Variants in PAFAH1B2 observed in about 807,000 individuals in gnomAD.
PAFAH1B2 encodes the protein platelet activating factor acetylhydrolase 1b catalytic subunit 2.
PAFAH1B2 carries 8 observed loss-of-function variants against 28.0 expected under a neutral mutation model. The observed-to-expected ratio is 0.29, with a 90% CI of 0.17 to 0.52. The LOEUF (loss-of-function observed/expected upper bound fraction) is 0.52, where lower values mean the gene tolerates loss of function less well. Among genes scored for constraint, PAFAH1B2 ranks in the 20% least tolerant of loss-of-function variants. PAFAH1B2 has a pLI of 0.97. For missense variants in PAFAH1B2, 190 were observed against 282.6 expected, an observed-to-expected ratio of 0.67 and a Z score of 2.35; for synonymous variants, 104 against 103.2, an observed-to-expected ratio of 1.01 and a Z score of -0.05.
intron 2 of PAFAH1B2, among the ~76,000 whole-genome samples, chr11:117,158,202 TTTTC>T (rs752944184): frequency 9.2e-5 from 14 of 152,108 alleles, no homozygotes; most frequent in South Asian, 2.1e-4. Context: ...TTGTTTTCTT[TTTTC>T]TTTCTTTCTT....
chr11:117,161,120 C>A, intron 3 of PAFAH1B2, 25 bp from the exon 4 acceptor site: 1 of 1,465,382 alleles, frequency 6.8e-7, no homozygotes, highest in Non-Finnish European at 9.4e-7. Flanking sequence ...TTTAGGTACA[C>A]TAAATCAAGT....
intron 1 of PAFAH1B2, among the ~76,000 whole-genome samples, chr11:117,150,869 T>G (rs1298750541): frequency 6.6e-6 from 1 of 151,852 alleles, no homozygotes; most frequent in Non-Finnish European, 1.5e-5. Context: ...GCGCTTGTAG[T>G]CCCAGCTACT....
intron 4 of PAFAH1B2, among the ~76,000 whole-genome samples, chr11:117,161,666 C>T (rs901298190): frequency 1.3e-5 from 2 of 151,930 alleles, no homozygotes; most frequent in South Asian, 4.1e-4. Context: ...CGCCACTGTG[C>T]CCAGCTAATT....
At chr11:117,158,379 C>G (rs1956298721) in intron 2 of PAFAH1B2, among the ~76,000 whole-genome samples, 1 of 151,640 alleles carries the variant, frequency 6.6e-6, no homozygotes, top group Non-Finnish European at 1.5e-5. Flanking sequence ...GCCTTTATAA[C>G]AGAAAGAGGC....
chr11:117,165,828 T>C (rs1956495807), intron 5 of PAFAH1B2, among the ~76,000 whole-genome samples: 2 of 151,296 alleles, frequency 1.3e-5, no homozygotes. Flanking sequence ...AACCAGGTCA[T>C]GTAGGATTTT....
downstream of PAFAH1B2, chr11:117,175,255 T>G (rs1479096687): frequency 1.8e-6 from 2 of 1,082,506 alleles, no homozygotes; most frequent in Admixed American, 1.0e-4. Context: ...GGCCCCGACA[T>G]CTCCCCTGTG....
At chr11:117,174,092 T>C (rs533699367), downstream of PAFAH1B2, among the ~76,000 whole-genome samples, 1 of 151,834 alleles carries the variant, frequency 6.6e-6, no homozygotes, top group Non-Finnish European at 1.5e-5. Context: ...TCCTAAATAA[T>C]TTGATTGGAT....
Position 117,170,843 on chromosome 11 carries a change from G to C in PAFAH1B2, c.*3144G>C. On this transcript the variant is annotated 3_prime_UTR_variant, in exon 6 of 6. Coordinates refer to ENST00000527958, the MANE Select transcript of PAFAH1B2 (RefSeq NM_002572.4). ...ATCCGTGTGGGTGCATGTGGGAGAA[G>C]TGAGTTAGGGCCTCTTGAAAGGAGG... 9.4e-7 allele frequency: 1 copy of C among 1,060,022 alleles called. No homozygotes were observed. Among genetic ancestry groups the C allele is most frequent in the East Asian group, 5.1e-5 (1 of 19,538 alleles). The allele number at this position is 1,060,022 out of a possible 1,614,324, so 65.7% of individuals were successfully genotyped here.
At chr11:117,148,832 G>A (rs959061376) in intron 1 of PAFAH1B2, among the ~76,000 whole-genome samples, 4 of 152,044 alleles carry the variant, frequency 2.6e-5, no homozygotes, top group Non-Finnish European at 5.9e-5. Flanking sequence ...CTCTGGGGAT[G>A]CATAAGATGA....
chr11:117,174,164 T>TTTTGTGTG (rs766588493), downstream of PAFAH1B2, among the ~76,000 whole-genome samples: 8 of 138,808 alleles, frequency 5.8e-5, no homozygotes, highest in Non-Finnish European at 7.8e-5. Context: ...TTCATGTCTT[T>TTTTGTGTG]TGTGTGTGTG....
rs1956554837 is a variant in PAFAH1B2 at position 117,168,152 on chromosome 11, A to C, written c.*453A>C. 1 of 1,051,532 alleles carries C rather than the reference A, an allele frequency of 9.5e-7. No homozygotes were observed. Among genetic ancestry groups the C allele is most frequent in the Non-Finnish European group, 1.2e-6 (1 of 869,218 alleles). 65.1% of individuals were successfully genotyped at this position (1,051,532 alleles called of 1,614,324 possible). The stretch of plus-strand genomic sequence containing the variant: ...GTTCATAATTTAGCCTTTTGTTTTT[A>C]TGTTGCTTAGATTCTTATGTATACT... On this transcript the variant is annotated 3_prime_UTR_variant, in exon 6 of 6. Transcript: ENST00000527958.
At chr11:117,162,474 A>T (rs1956397764) in intron 4 of PAFAH1B2, among the ~76,000 whole-genome samples, 1 of 151,448 alleles carries the variant, frequency 6.6e-6, no homozygotes, top group Non-Finnish European at 1.5e-5. Context: ...CTAAAGAGAA[A>T]AACTTGATGG....
intron 1 of PAFAH1B2, among the ~76,000 whole-genome samples, chr11:117,148,117 T>A (rs1956059410): frequency 6.6e-6 from 1 of 151,332 alleles, no homozygotes. Flanking sequence ...AGTGGTGTGA[T>A]CTCTGCTCAC....
At chr11:117,166,122 C>T (rs949666490) in intron 5 of PAFAH1B2, among the ~76,000 whole-genome samples, 31 of 152,072 alleles carry the variant, frequency 2.0e-4, no homozygotes, top group African/African-American at 7.0e-4. Flanking sequence ...GGATTACAGG[C>T]GTGAGCCACT....
downstream of PAFAH1B2, among the ~76,000 whole-genome samples, chr11:117,178,067 A>C (rs1045366486): frequency 6.6e-6 from 1 of 152,190 alleles, no homozygotes; most frequent in South Asian, 2.1e-4. Flanking sequence ...CCAGAAGTGG[A>C]ATTACTGGAT....
At chr11:117,159,726 C>T (rs1284610237) in intron 2 of PAFAH1B2, 3 of 492,330 alleles carry the variant, frequency 6.1e-6, no homozygotes, top group Non-Finnish European at 1.1e-5. Context: ...GAGAGCCAGA[C>T]GCTGTCTTAG....
chr11:117,148,751 TTC>T (rs1157315134), intron 1 of PAFAH1B2, among the ~76,000 whole-genome samples: 1 of 152,116 alleles, frequency 6.6e-6, no homozygotes, highest in Non-Finnish European at 1.5e-5. Context: ...AGTGAGACCC[TTC>T]TCTTATAATA....
rs1462613756 is a variant in PAFAH1B2 at position 117,169,206 on chromosome 11, AC to A, written c.*1508del. Reference sequence around the variant, plus strand: ...CCTTTATCCCATCATTTTAGTAAAAACTAGGTTTGTTTCACTTCTGAGGTGT... The same window carrying A: ...CCTTTATCCCATCATTTTAGTAAAAATAGGTTTGTTTCACTTCTGAGGTGT... On this transcript the variant is annotated 3_prime_UTR_variant, in exon 6 of 6. Coordinates refer to ENST00000527958, the MANE Select transcript of PAFAH1B2 (RefSeq NM_002572.4). 1 of 1,033,960 alleles carries A rather than the reference AC, an allele frequency of 9.7e-7. No individual in the cohort carries two copies. The highest frequency in any genetic ancestry group is 1.7e-5 in the African/African-American group (1 of 59,360). The allele number at this position is 1,033,960 out of a possible 1,614,324, so 64.0% of individuals were successfully genotyped here.
chr11:117,170,464 C>T lies in PAFAH1B2; in HGVS notation c.*2765C>T. The T allele has an allele frequency of 9.4e-7, 1 of 1,060,040 alleles. No individual in the cohort carries two copies. The highest frequency in any genetic ancestry group is 1.1e-6 in the Non-Finnish European group (1 of 876,498). The allele number at this position is 1,060,040 out of a possible 1,614,324, so 65.7% of individuals were successfully genotyped here. A position where few individuals can be genotyped will look rare whatever the true frequency, so the allele number is the denominator to read the frequency against. The stretch of plus-strand genomic sequence containing the variant: ...GATCTAGGGCAGGCTGTCTTCCAGT[C>T]CATGTGTTCTCGGTCGCCGTAGACA... On this transcript the variant is annotated 3_prime_UTR_variant, in exon 6 of 6. Coordinates refer to ENST00000527958, the MANE Select transcript of PAFAH1B2 (RefSeq NM_002572.4).
Sources: allele counts gnomAD v4.1 joint callset (sites outside exome capture counted in the v4.1 genomes callset), GRCh38; gene constraint gnomAD v4.1.1; transcripts MANE v1.5; gene names NCBI Gene and HGNC (gene_info 2026-07-23, HGNC 2026-07-21).